KCNJ10: variants seen among roughly 807,000 people sequenced by gnomAD.
The protein encoded by KCNJ10 is ATP-sensitive inward rectifier potassium channel 10.
KCNJ10 carries 9 observed loss-of-function variants against 22.2 expected under a neutral mutation model. The observed-to-expected ratio is 0.40, with a 90% CI of 0.24 to 0.71. The LOEUF is 0.71. KCNJ10 is among the 30% of genes least tolerant of loss of function. KCNJ10 has a pLI of 0.35. For missense variants in KCNJ10, 337 were observed against 482.7 expected, an observed-to-expected ratio of 0.70 and a Z score of 2.83; for synonymous variants, 184 against 187.3, an observed-to-expected ratio of 0.98 and a Z score of 0.15.
At chr1:160,050,753 C>A (rs1439180386) in intron 1 of KCNJ10, among the ~76,000 whole-genome samples, 1 of 152,084 alleles carries the variant, frequency 6.6e-6, no homozygotes, top group Non-Finnish European at 1.5e-5. Context: ...CATGAAAGAT[C>A]TTAATAGGAC....
chr1:160,060,431 G>A (rs547407553), intron 1 of KCNJ10, among the ~76,000 whole-genome samples: 4 of 152,294 alleles, frequency 2.6e-5, no homozygotes, highest in Admixed American at 1.3e-4. Flanking sequence ...AAGACAGATG[G>A]ATGAGGCGGC....
At position 160,040,602 on chromosome 1, in the gene KCNJ10, C is replaced by A. The variant is rs1557967200; in HGVS notation, c.*791G>T. ...GGGAAACAGATCTTCTCTGGGCTGC[C>A]TGGAAGATAGGTTTAAAGGTTTAGA... On this transcript the variant is annotated 3_prime_UTR_variant, in exon 2 of 2. Coordinates refer to ENST00000644903, the MANE Select transcript of KCNJ10 (RefSeq NM_002241.5). The A allele has an allele frequency of 5.0e-6, 2 of 398,726 alleles. No homozygotes were observed. Among genetic ancestry groups the A allele is most frequent in the Non-Finnish European group, 8.8e-6 (2 of 226,188 alleles). 24.7% of individuals were successfully genotyped at this position (398,726 alleles called of 1,614,324 possible). A position where few individuals can be genotyped will look rare whatever the true frequency, so the allele number is the denominator to read the frequency against.
intron 1 of KCNJ10, among the ~76,000 whole-genome samples, chr1:160,046,755 A>C (rs1186681): frequency 1 from 151,959 of 152,306 alleles, 75,808 homozygotes; most frequent in Middle Eastern, 1. Context: ...ACTCCACCCC[A>C]AAGCTGGCCA....
intron 1 of KCNJ10, among the ~76,000 whole-genome samples, chr1:160,057,684 T>C (rs1476864134): frequency 2.0e-5 from 3 of 152,188 alleles, no homozygotes; most frequent in Middle Eastern, 3.2e-3. Context: ...GGCTGAAGGC[T>C]AATGAGTTGT....
At chr1:160,069,830 C>G (rs1258034124) in intron 1 of KCNJ10, among the ~76,000 whole-genome samples, 192 bp downstream of exon 1, 3 of 152,172 alleles carry the variant, frequency 2.0e-5, no homozygotes, top group Non-Finnish European at 4.4e-5. Flanking sequence ...GGCTAGTTTC[C>G]TCGTGGGGAG....
chr1:160,068,366 G>T (rs1033414457), intron 1 of KCNJ10, among the ~76,000 whole-genome samples: 48 of 152,200 alleles, frequency 3.2e-4, no homozygotes, highest in Middle Eastern at 6.8e-3. Context: ...AGTGGGGGGT[G>T]GGGGGATGGC....
chr1:160,053,502 T>G (rs1349863384), intron 1 of KCNJ10, among the ~76,000 whole-genome samples: 2 of 152,130 alleles, frequency 1.3e-5, no homozygotes, highest in African/African-American at 4.8e-5. Flanking sequence ...TTTTCAAACT[T>G]GATGTCTTTA....
chr1:160,053,637 G>A (rs1015463678), intron 1 of KCNJ10, among the ~76,000 whole-genome samples: 1 of 151,466 alleles, frequency 6.6e-6, no homozygotes, highest in Non-Finnish European at 1.5e-5. Flanking sequence ...TGTGTGTCCT[G>A]GGGCCTGACT....
At chr1:160,045,239 C>A (rs1334988031) in intron 1 of KCNJ10, among the ~76,000 whole-genome samples, 1 of 152,164 alleles carries the variant, frequency 6.6e-6, no homozygotes, top group African/African-American at 2.4e-5. Flanking sequence ...AATTCATTTT[C>A]TATTGATACA....
chr1:160,058,954 C>G (rs1413015253), intron 1 of KCNJ10, among the ~76,000 whole-genome samples: 1 of 152,188 alleles, frequency 6.6e-6, no homozygotes, highest in Non-Finnish European at 1.5e-5. Flanking sequence ...TCTGGATGCC[C>G]CCACCCACAA....
At chr1:160,058,642 G>C (rs1166259956) in intron 1 of KCNJ10, among the ~76,000 whole-genome samples, 1 of 152,146 alleles carries the variant, frequency 6.6e-6, no homozygotes. Context: ...AAAGTAGGAA[G>C]AAGAGGAGAG....
intron 1 of KCNJ10, among the ~76,000 whole-genome samples, chr1:160,046,943 G>A (rs1185938579): frequency 1.3e-5 from 2 of 152,172 alleles, no homozygotes; most frequent in African/African-American, 2.4e-5. Context: ...CCTGAGTGGC[G>A]AAAGAGACAG....
chr1:160,040,477 G>A lies in KCNJ10; in HGVS notation c.*916C>T, dbSNP rs1229188403. 3 of 398,532 alleles carry A rather than the reference G, an allele frequency of 7.5e-6. No homozygotes were observed. Among genetic ancestry groups the A allele is most frequent in the African/African-American group, 6.2e-5 (3 of 48,628 alleles). The allele number at this position is 398,532 out of a possible 1,614,324, so 24.7% of individuals were successfully genotyped here. On this transcript the variant is annotated 3_prime_UTR_variant, in exon 2 of 2. Coordinates refer to ENST00000644903, the MANE Select transcript of KCNJ10 (RefSeq NM_002241.5). ...AGGAAGAAGAGAAGCCAGGTACAGT[G>A]TAATCTGGAATATTATTTTCAGACC...
chr1:160,065,988 G>C (rs1320771991), intron 1 of KCNJ10, among the ~76,000 whole-genome samples: 2 of 152,078 alleles, frequency 1.3e-5, no homozygotes. Flanking sequence ...ATAAACCTGA[G>C]AGAAGTTGTG....
chr1:160,051,656 G>T (rs952830215), intron 1 of KCNJ10, among the ~76,000 whole-genome samples: 3 of 152,106 alleles, frequency 2.0e-5, no homozygotes, highest in Admixed American at 2.0e-4. Context: ...AAATTCACCA[G>T]CAGTGATGCC....
chr1:160,068,364 G>T (rs539788394), intron 1 of KCNJ10, among the ~76,000 whole-genome samples: 5 of 152,256 alleles, frequency 3.3e-5, no homozygotes, highest in South Asian at 4.1e-4. Context: ...TGAGTGGGGG[G>T]TGGGGGGATG....
Position 160,038,839 on chromosome 1 carries a change from C to T in KCNJ10, c.*2554G>A, listed in dbSNP as rs773976668. On this transcript the variant is annotated 3_prime_UTR_variant, in exon 2 of 2. Coordinates refer to ENST00000644903, the MANE Select transcript of KCNJ10 (RefSeq NM_002241.5). Reference sequence around the variant, plus strand: ...CTCAGCATCATTTCTTTCTCATCTTCTCACCCCAGGTATCTTCCCCCATCA... The same window carrying T: ...CTCAGCATCATTTCTTTCTCATCTTTTCACCCCAGGTATCTTCCCCCATCA... 11 of 152,218 alleles carry T rather than the reference C, an allele frequency of 7.2e-5. No individual in the cohort carries two copies. The highest frequency in any genetic ancestry group is 1.3e-4 in the Non-Finnish European group (9 of 68,050). 9.4% of individuals were successfully genotyped at this position (152,218 alleles called of 1,614,324 possible).
At position 160,042,285 on chromosome 1, in the gene KCNJ10, C is replaced by G. The variant is rs17853258; in HGVS notation, c.248G>C (p.Gly83Ala). ...CACAGCTACCAGATACCACACCACG[C>G]CAAAGAGGAACCATGTGCCTGCAAA... ...ATFAGTWFLFGVVWYLVAVAH... is the reference protein window; with the variant it reads ...ATFAGTWFLFAVVWYLVAVAH... Residue 83 changes from glycine to alanine, a missense_variant, in exon 2 of 2, where the codon GGC becomes GCC. Physicochemically the swap from Gly to Ala is moderately conservative, Grantham distance 60 (BLOSUM62 0). Coordinates refer to ENST00000644903, the MANE Select transcript of KCNJ10 (RefSeq NM_002241.5). The G allele has an allele frequency of 1.2e-6, 2 of 1,614,030 alleles. No individual in the cohort carries two copies. The highest frequency in any genetic ancestry group is 1.7e-6 in the Non-Finnish European group (2 of 1,179,920).
intron 1 of KCNJ10, among the ~76,000 whole-genome samples, chr1:160,046,771 C>G (rs1648751196): frequency 6.6e-6 from 1 of 152,208 alleles, no homozygotes; most frequent in African/African-American, 2.4e-5. Flanking sequence ...GGCCAGGCCC[C>G]TGGGGAAGGA....
Sources: allele counts gnomAD v4.1 joint callset (sites outside exome capture counted in the v4.1 genomes callset), GRCh38; gene constraint gnomAD v4.1.1; transcripts MANE v1.5; gene names NCBI Gene and HGNC (gene_info 2026-07-23, HGNC 2026-07-21).